APCDD1: variants seen among roughly 807,000 people sequenced by gnomAD.
The protein encoded by APCDD1 is APC down-regulated 1, also known as protein APCDD1.
In APCDD1, 15 loss-of-function variants were observed where a neutral mutation model predicts 38.1. That is an observed-to-expected ratio of 0.39 (90% confidence interval 0.26 to 0.61). The LOEUF is 0.61. Ranked by LOEUF, APCDD1 falls within the 20% of genes least tolerant of loss-of-function variation. APCDD1 has a pLI of 0.49. For synonymous variants in APCDD1, 261 were observed against 279.7 expected, an observed-to-expected ratio of 0.93 and a Z score of 0.67; for missense variants, 647 against 696.2, an observed-to-expected ratio of 0.93 and a Z score of 0.79.
chr18:10,488,761 G>A lies in APCDD1; in HGVS notation c.*723G>A, dbSNP rs2031309125. 1.4e-5 allele frequency: 2 copies of A among 138,908 alleles called. No individual in the cohort carries two copies. Among genetic ancestry groups the A allele is most frequent in the South Asian group, 2.3e-4 (1 of 4,394 alleles). 8.6% of individuals were successfully genotyped at this position (138,908 alleles called of 1,614,324 possible). On this transcript the variant is annotated 3_prime_UTR_variant, in exon 5 of 5. Coordinates refer to ENST00000355285, the MANE Select transcript of APCDD1 (RefSeq NM_153000.5). ...GAGACTGGCTTGTTGGCTTCTGGTT[G>A]TTGCAGGAGGCATGTGGCTTCCTGC... is the stretch of plus-strand genomic sequence containing the variant.
At chr18:10,477,580 G>T (rs1568006186) in intron 3 of APCDD1, 1 of 152,230 alleles carries the variant, frequency 6.6e-6, no homozygotes, top group African/African-American at 2.4e-5. Context: ...GGAAATATTT[G>T]TTGTCAGGGA....
chr18:10,478,409 A>T (rs1320565286), intron 3 of APCDD1, among the ~76,000 whole-genome samples: 1 of 152,212 alleles, frequency 6.6e-6, no homozygotes, highest in East Asian at 1.9e-4. Context: ...CCAGGCTGCC[A>T]TAGCAAAGCA....
intron 1 of APCDD1, among the ~76,000 whole-genome samples, chr18:10,461,551 A>G (rs528322873): frequency 6.6e-6 from 1 of 152,340 alleles, no homozygotes; most frequent in East Asian, 1.9e-4. Context: ...GTACCTGTAT[A>G]GTAGCTAGCA....
intron 3 of APCDD1, among the ~76,000 whole-genome samples, chr18:10,473,094 G>A (rs1429936446): frequency 6.6e-6 from 1 of 152,192 alleles, no homozygotes. Flanking sequence ...ACTTTTGTTT[G>A]GTGGTTTCTT....
intron 1 of APCDD1, among the ~76,000 whole-genome samples, chr18:10,464,464 C>T (rs2030657853): frequency 6.6e-6 from 1 of 152,134 alleles, no homozygotes; most frequent in African/African-American, 2.4e-5. Flanking sequence ...ACTCTGTCAC[C>T]CAGGCTGGAG....
chr18:10,487,492 G>A, intron 4 of APCDD1, 98 bp from the exon 5 acceptor site: 2 of 1,245,870 alleles, frequency 1.6e-6, no homozygotes, highest in Admixed American at 1.8e-5. Flanking sequence ...GGAAAAGAAA[G>A]CCTTGTCTAG....
At chr18:10,478,721 G>A (rs779972098) in intron 3 of APCDD1, among the ~76,000 whole-genome samples, 6 of 152,152 alleles carry the variant, frequency 3.9e-5, no homozygotes, top group South Asian at 2.1e-4. Flanking sequence ...ATTTTGAGGC[G>A]ACACAAACAT....
Position 10,476,971 on chromosome 18 carries a change from T to A in APCDD1, c.774+4910T>A, listed in dbSNP as rs1037891457. 5 of 152,360 alleles carry A rather than the reference T, an allele frequency of 3.3e-5. No homozygotes were observed. Among genetic ancestry groups the A allele is most frequent in the African/African-American group, 1.2e-4 (5 of 41,572 alleles). 9.4% of individuals were successfully genotyped at this position (152,360 alleles called of 1,614,324 possible). A position where few individuals can be genotyped will look rare whatever the true frequency, so the allele number is the denominator to read the frequency against. On this transcript the variant is annotated intron_variant, in intron 3 of 4. Coordinates refer to ENST00000355285, the MANE Select transcript of APCDD1 (RefSeq NM_153000.5). This position sits in a 1 kb window ranked among gnomAD's most constrained non-coding sequence, Gnocchi z 5.8. Reference sequence around the variant, plus strand: ...CAGCTTCCTGATGTCAGTGACACCATGGGGATGTTGAGTCAGGTGGTCTTG... The same window carrying A: ...CAGCTTCCTGATGTCAGTGACACCAAGGGGATGTTGAGTCAGGTGGTCTTG...
rs1182902085 is a variant in APCDD1, at chr18:10,472,964, C to T, written c.774+903C>T. On this transcript the variant is annotated intron_variant, in intron 3 of 4. Transcript: ENST00000355285. This position sits in a 1 kb window ranked among gnomAD's most constrained non-coding sequence, Gnocchi z 6.6. The stretch of plus-strand genomic sequence containing the variant: ...CCAGTGCGTAGTGTGAACGTGCAGA[C>T]CCGGGCCTGCTGCGGGTGGGCGGTG... Among the ~76,000 whole-genome samples the T allele has an allele frequency of 1.3e-5, 2 of 152,092 alleles. No individual in the cohort carries two copies. Among genetic ancestry groups the T allele is most frequent in the African/African-American group, 2.4e-5 (1 of 41,408 alleles).
intron 3 of APCDD1, among the ~76,000 whole-genome samples, chr18:10,484,809 TC>T (rs574323665): frequency 1.4e-3 from 217 of 150,784 alleles, no homozygotes; most frequent in African/African-American, 5.4e-3. Context: ...ATTTTGTTGA[TC>T]CATCCATCTG....
chr18:10,464,051 T>A (rs2030639140), intron 1 of APCDD1, among the ~76,000 whole-genome samples: 1 of 152,198 alleles, frequency 6.6e-6, no homozygotes, highest in Non-Finnish European at 1.5e-5. Flanking sequence ...GGCTATTTAA[T>A]GTCTTTTTTT....
chr18:10,488,002 C>T lies in APCDD1; in HGVS notation c.1509C>T (p.Cys503=), dbSNP rs60421789. 20,165 of 1,613,834 alleles carry T rather than the reference C, an allele frequency of 0.012. 1,628 individuals carry two copies. The African/African-American group carries it at 0.2, about 16-fold the overall frequency. Residue 503 remains cysteine (C), a synonymous_variant, in exon 5 of 5, where the codon TGC becomes TGT. Transcript: ENST00000355285. ...TWSLLLAALA[C]LVPLLHWNIR... ...CCCTGCTGCTGGCTGCACTTGCCTGCCTTGTCCCTCTGCTGCATTGGAACA... is the reference window on the plus strand; with the variant it reads ...CCCTGCTGCTGGCTGCACTTGCCTGTCTTGTCCCTCTGCTGCATTGGAACA...
intron 3 of APCDD1, among the ~76,000 whole-genome samples, chr18:10,483,339 T>C (rs185753878): frequency 7.9e-5 from 12 of 152,330 alleles, no homozygotes; most frequent in Non-Finnish European, 1.5e-5. Flanking sequence ...TGTAGGAAAC[T>C]GCAGGCCAAA....
rs762476382 is a variant in APCDD1, at chr18:10,475,576, G to A, written c.774+3515G>A. Among the ~76,000 whole-genome samples, 3 of 151,978 alleles carry A rather than the reference G, an allele frequency of 2.0e-5. No individual in the cohort carries two copies. The highest frequency in any genetic ancestry group is 2.1e-4 in the South Asian group (1 of 4,818). ...ACAGAGTTGTCTATCTGGGATTGTC[G>A]GACAGAGACTTCACTTTTGGTACCT... On this transcript the variant is annotated intron_variant, in intron 3 of 4. Coordinates refer to ENST00000355285, the MANE Select transcript of APCDD1 (RefSeq NM_153000.5). The surrounding 1 kb of genome is among the most constrained non-coding windows in gnomAD (Gnocchi z 4.0).
intron 3 of APCDD1, among the ~76,000 whole-genome samples, chr18:10,479,051 CAA>C (rs1348207746): frequency 2.0e-5 from 3 of 152,190 alleles, no homozygotes; most frequent in Admixed American, 6.5e-5. Context: ...GGAAATATGA[CAA>C]AGAGAGAACA....
chr18:10,471,014 A>T lies in APCDD1; in HGVS notation c.243-516A>T, dbSNP rs776377947. On this transcript the variant is annotated intron_variant, in intron 2 of 4. Transcript: ENST00000355285. The surrounding 1 kb of genome is among the most constrained non-coding windows in gnomAD (Gnocchi z 5.5). The stretch of plus-strand genomic sequence containing the variant: ...TAGATTCTGTCTCAGGATGACAGAC[A>T]TTTTGCACCTGCCTGCTGTAGACAA... 1.3e-5 allele frequency among the ~76,000 whole-genome samples: 2 copies of T among 152,248 alleles called. No homozygotes were observed. The highest frequency in any genetic ancestry group is 2.9e-5 in the Non-Finnish European group (2 of 68,042).
intron 3 of APCDD1, among the ~76,000 whole-genome samples, chr18:10,483,540 C>T (rs2031185367): frequency 6.6e-6 from 1 of 152,256 alleles, no homozygotes; most frequent in African/African-American, 2.4e-5. Flanking sequence ...GGGAAGCCCA[C>T]AGCTCTTCCT....
Position 10,472,210 on chromosome 18 carries a change from G to A in APCDD1, c.774+149G>A. 6 of 1,153,876 alleles carry A rather than the reference G, an allele frequency of 5.2e-6. No individual in the cohort carries two copies. The highest frequency in any genetic ancestry group is 7.5e-6 in the Non-Finnish European group (6 of 798,672). 71.5% of individuals were successfully genotyped at this position (1,153,876 alleles called of 1,614,324 possible). On this transcript the variant is annotated intron_variant, in intron 3 of 4. Coordinates refer to ENST00000355285, the MANE Select transcript of APCDD1 (RefSeq NM_153000.5). The surrounding 1 kb of genome is among the most constrained non-coding windows in gnomAD (Gnocchi z 6.6). ...AAGGTGGGGCTGCTGCGAGGTGGGA[G>A]GAGATGGGAAAGGCTGGGGCTGAGG...
intron 1 of APCDD1, among the ~76,000 whole-genome samples, chr18:10,466,333 C>T (rs999440313): frequency 6.6e-5 from 10 of 152,150 alleles, no homozygotes; most frequent in African/African-American, 1.9e-4. Flanking sequence ...GCGTTCAACA[C>T]GAGGGTGAGG....
Sources: allele counts gnomAD v4.1 joint callset (sites outside exome capture counted in the v4.1 genomes callset), GRCh38; gene constraint gnomAD v4.1.1; non-coding constraint Gnocchi (gnomAD v3.1); transcripts MANE v1.5; gene names NCBI Gene and HGNC (gene_info 2026-07-23, HGNC 2026-07-21).